VIPR2: variants seen among roughly 807,000 people sequenced by gnomAD.
VIPR2 encodes vasoactive intestinal peptide receptor 2.
VIPR2 carries 48 observed loss-of-function variants against 58.0 expected under a neutral mutation model. That is an observed-to-expected ratio of 0.83 (90% confidence interval 0.66 to 1.05). The LOEUF (loss-of-function observed/expected upper bound fraction) is 1.05. Among genes scored for constraint, VIPR2 ranks in the 50% least tolerant of loss-of-function variants. The pLI is 0.00. For synonymous variants in VIPR2, 243 were observed against 235.2 expected (o/e 1.03, Z -0.30); for missense variants, 534 against 558.0 (o/e 0.96, Z 0.43).
chr7:159,120,160 T>G (rs1256083102), intron 2 of VIPR2, among the ~76,000 whole-genome samples: 1 of 152,224 alleles, frequency 6.6e-6, no homozygotes, highest in Non-Finnish European at 1.5e-5. Flanking sequence ...GTGTTCTGTA[T>G]TTTGGTTCAG....
chr7:159,125,974 G>T lies in VIPR2; in HGVS notation c.152-16055C>A, dbSNP rs116658209. 7.2e-3 allele frequency among the ~76,000 whole-genome samples: 1,090 copies of T among 152,284 alleles called. 16 individuals are homozygous for T. Among genetic ancestry groups the T allele is most frequent in the African/African-American group, 0.025 (1,034 of 41,550 alleles). The stretch of plus-strand genomic sequence containing the variant: ...AGTAGCTGCATTCCAGGACCTTCTT[G>T]TCTTAGTGTTTATGGTTAAACAAAG... On this transcript the variant is annotated intron_variant, in intron 2 of 12. Coordinates refer to ENST00000262178, the MANE Select transcript of VIPR2 (RefSeq NM_003382.5).
intron 3 of VIPR2, among the ~76,000 whole-genome samples, chr7:159,105,837 C>G (rs1858610916): frequency 6.6e-6 from 1 of 152,210 alleles, no homozygotes; most frequent in Non-Finnish European, 1.5e-5. Flanking sequence ...GTGCCCATCA[C>G]AGACTCAGGA....
chr7:159,123,002 G>GAC (rs1796510947), intron 2 of VIPR2, among the ~76,000 whole-genome samples: 2 of 152,108 alleles, frequency 1.3e-5, no homozygotes, highest in African/African-American at 2.4e-5. Context: ...ACTGGGGGAA[G>GAC]ACCCAGTGTC....
intron 3 of VIPR2, 100 bp from the exon 4 acceptor site, chr7:159,103,954 C>G: frequency 9.8e-7 from 1 of 1,016,678 alleles, no homozygotes; most frequent in Non-Finnish European, 1.5e-6. Flanking sequence ...TAAAATGCTT[C>G]CCACACCCAG....
At chr7:159,046,474 C>T (rs1327984018) in intron 5 of VIPR2, among the ~76,000 whole-genome samples, 1 of 152,208 alleles carries the variant, frequency 6.6e-6, no homozygotes, top group East Asian at 1.9e-4. Context: ...TTGTATGACG[C>T]ATCCAGTGGA....
chr7:159,142,350 T>TTA, intron 2 of VIPR2, 96 bp downstream of exon 2: 2 of 807,242 alleles, frequency 2.5e-6, no homozygotes, highest in South Asian at 1.9e-5. Flanking sequence ...TTTTTTTTTT[T>TTA]AAGATGCAGG....
chr7:159,133,992 G>A (rs562161511), intron 2 of VIPR2, among the ~76,000 whole-genome samples: 64 of 152,210 alleles, frequency 4.2e-4, no homozygotes, highest in East Asian at 7.7e-4. Flanking sequence ...GATATTATCC[G>A]TCTGTTTAAA....
chr7:159,101,154 C>T (rs183834940), intron 4 of VIPR2, among the ~76,000 whole-genome samples: 170 of 127,428 alleles, frequency 1.3e-3, no homozygotes, highest in Non-Finnish European at 2.2e-3. Context: ...TCATGAGATC[C>T]GACGAGGCCG....
At position 159,082,210 on chromosome 7, in the gene VIPR2, T is replaced by C. The variant is rs113447616; in HGVS notation, c.357+21547A>G. Among the ~76,000 whole-genome samples the C allele has an allele frequency of 2.1e-3, 321 of 151,764 alleles. 1 individual carries two copies. Among genetic ancestry groups the C allele is most frequent in the Non-Finnish European group, 2.9e-3 (196 of 67,734 alleles). On this transcript the variant is annotated intron_variant, in intron 4 of 12. Coordinates refer to ENST00000262178, the MANE Select transcript of VIPR2 (RefSeq NM_003382.5). The stretch of plus-strand genomic sequence containing the variant: ...ATTCACAATAGCAAAGACTTGGAAC[T>C]AACCCAAATGTCCAACAATGATAGA...
chr7:159,074,307 C>A (rs1485734330), intron 4 of VIPR2, among the ~76,000 whole-genome samples: 1 of 152,172 alleles, frequency 6.6e-6, no homozygotes, highest in Non-Finnish European at 1.5e-5. Context: ...GAAGAGAAAT[C>A]CAAATAAAAG....
intron 2 of VIPR2, among the ~76,000 whole-genome samples, chr7:159,126,550 T>C (rs1563349545): frequency 1.3e-5 from 2 of 152,196 alleles, no homozygotes; most frequent in African/African-American, 4.8e-5. Flanking sequence ...TGCCCTGGAA[T>C]GCACGGAGTA....
chr7:159,050,354 C>CAAAAAAAAAACAAAAAAAA (rs1563273278), intron 5 of VIPR2, among the ~76,000 whole-genome samples: 1 of 139,168 alleles, frequency 7.2e-6, no homozygotes, highest in Non-Finnish European at 1.5e-5. Flanking sequence ...CACAAAAAAA[C>CAAAAAAAAAACAAAAAAAA]AAAAAAAAAA....
chr7:159,109,540 C>T (rs756566712), intron 3 of VIPR2, among the ~76,000 whole-genome samples: 85 of 152,184 alleles, frequency 5.6e-4, no homozygotes, highest in Non-Finnish European at 8.1e-4. Context: ...CTCTCATGCA[C>T]GTTTCCCGTG....
chr7:159,066,172 G>A (rs1470963009), intron 4 of VIPR2, among the ~76,000 whole-genome samples: 3 of 149,370 alleles, frequency 2.0e-5, no homozygotes, highest in East Asian at 3.9e-4. Context: ...CACACTGTCC[G>A]TGGGATTCCA....
chr7:159,061,831 C>T (rs1855680653), intron 4 of VIPR2, among the ~76,000 whole-genome samples: 1 of 152,128 alleles, frequency 6.6e-6, no homozygotes, highest in Non-Finnish European at 1.5e-5. Context: ...CGGCGGAGTA[C>T]CGGGATCAAG....
chr7:159,060,585 TTATC>T (rs1378752480), intron 4 of VIPR2, among the ~76,000 whole-genome samples: 2 of 151,254 alleles, frequency 1.3e-5, no homozygotes, highest in Non-Finnish European at 2.9e-5. Context: ...TTTACTCACT[TTATC>T]TAGCCACCAC....
rs1853592162 is a variant in VIPR2 at position 159,031,630 on chromosome 7, T to G, written c.1143+198A>C. 1.0e-6 allele frequency: 1 copy of G among 985,054 alleles called. No homozygotes were observed. Among genetic ancestry groups the G allele is most frequent in the Non-Finnish European group, 1.2e-6 (1 of 829,880 alleles). The allele number at this position is 985,054 out of a possible 1,614,324, so 61.0% of individuals were successfully genotyped here. ...AGGGTGGACGGAAGGACGGCGGGGT[T>G]TGGAAGCTGGGCCCAGAAGAGTGGG... On this transcript the variant is annotated intron_variant, in intron 12 of 12. Coordinates refer to ENST00000262178, the MANE Select transcript of VIPR2 (RefSeq NM_003382.5). The surrounding 1 kb of genome is among the most constrained non-coding windows in gnomAD (Gnocchi z 4.0).
chr7:159,036,333 C>T (rs1028105445), intron 7 of VIPR2, among the ~76,000 whole-genome samples: 6 of 152,268 alleles, frequency 3.9e-5, no homozygotes, highest in South Asian at 4.1e-4. Context: ...ACGGAGCTAT[C>T]GGCTACGTTT....
At chr7:159,062,675 A>G (rs766563850) in intron 4 of VIPR2, among the ~76,000 whole-genome samples, 15 of 67,802 alleles carry the variant, frequency 2.2e-4, no homozygotes, top group Non-Finnish European at 5.2e-4. Flanking sequence ...CAGCAGCAAG[A>G]TTTACTGCAG....
Sources: gnomAD v4.1 joint callset for allele counts (sites outside exome capture counted in the v4.1 genomes callset) on GRCh38, gnomAD v4.1.1 for gene constraint, Gnocchi (gnomAD v3.1) non-coding constraint, MANE v1.5 for transcripts, NCBI Gene and HGNC (gene_info 2026-07-23, HGNC 2026-07-21) for gene names.